Variants in ACKR3 observed in about 807,000 individuals in gnomAD.
ACKR3 encodes atypical chemokine receptor 3.
ACKR3 carries 6 observed loss-of-function variants against 22.4 expected under a neutral mutation model. The ratio of observed to expected loss-of-function variants is 0.27; its 90% CI spans 0.15 to 0.53. The LOEUF (loss-of-function observed/expected upper bound fraction) is 0.53, where lower values mean the gene tolerates loss of function less well. ACKR3 is among the 20% of genes least tolerant of loss of function. The pLI is 0.96. For synonymous variants in ACKR3, 209 were observed against 205.2 expected, an observed-to-expected ratio of 1.02 and a Z score of -0.16; for missense variants, 396 against 475.2, an observed-to-expected ratio of 0.83 and a Z score of 1.55.
At chr2:236,542,024 A>T in the ACKR3 span, among the ~76,000 whole-genome samples, 1 of 152,332 alleles carries the variant, frequency 6.6e-6, no homozygotes, top group African/African-American at 2.4e-5. Context: ...AACTAAAACA[A>T]CACATAAACA....
At chr2:236,554,554 G>T in the ACKR3 span, among the ~76,000 whole-genome samples, 2 of 152,154 alleles carry the variant, frequency 1.3e-5, no homozygotes, top group East Asian at 3.9e-4. Context: ...TGAGGTTTAG[G>T]TTTTGGAGAG....
the ACKR3 span, among the ~76,000 whole-genome samples, chr2:236,561,651 C>A: frequency 6.6e-6 from 1 of 152,100 alleles, no homozygotes; most frequent in South Asian, 2.1e-4. Flanking sequence ...GCCACCATGC[C>A]TGGCTAATTT....
the ACKR3 span, among the ~76,000 whole-genome samples, chr2:236,539,260 C>A: frequency 6.8e-6 from 1 of 148,032 alleles, no homozygotes; most frequent in African/African-American, 2.5e-5. Context: ...GTGTGTCTCT[C>A]TCTCTCTCTC....
At chr2:236,546,356 C>T in the ACKR3 span, among the ~76,000 whole-genome samples, 4 of 152,170 alleles carry the variant, frequency 2.6e-5, no homozygotes, top group African/African-American at 9.7e-5. This position sits in a 1 kb window ranked among gnomAD's most constrained non-coding sequence, Gnocchi z 4.9. Context: ...TGAAGTTCCC[C>T]CTCTGTCTCT....
the ACKR3 span, among the ~76,000 whole-genome samples, chr2:236,549,653 T>G: frequency 6.6e-6 from 1 of 152,102 alleles, no homozygotes; most frequent in African/African-American, 2.4e-5. This position sits in a 1 kb window ranked among gnomAD's most constrained non-coding sequence, Gnocchi z 5.3. Flanking sequence ...GTGAGAACAG[T>G]AGTAGGATCA....
At chr2:236,578,133 G>A (rs1195315244) in intron 1 of ACKR3, among the ~76,000 whole-genome samples, 1 of 152,212 alleles carries the variant, frequency 6.6e-6, no homozygotes, top group African/African-American at 2.4e-5. Flanking sequence ...AGAGTGGAAC[G>A]TCAGCTCTGG....
At chr2:236,558,377 T>G in the ACKR3 span, among the ~76,000 whole-genome samples, 1 of 152,200 alleles carries the variant, frequency 6.6e-6, no homozygotes. Flanking sequence ...TAAACTGTCA[T>G]GGTGCTGGCA....
chr2:236,537,427 C>T, the ACKR3 span, among the ~76,000 whole-genome samples: 2 of 152,174 alleles, frequency 1.3e-5, no homozygotes, highest in Non-Finnish European at 2.9e-5. Flanking sequence ...CTCAGCCTCT[C>T]GAATGGCCTG....
rs1334885134 is a variant in ACKR3, at chr2:236,575,549, C to CTG, written c.-26-4875_-26-4874dup. 2.5e-3 allele frequency among the ~76,000 whole-genome samples: 179 copies of CTG among 71,264 alleles called. 3 individuals are homozygous for CTG. The highest frequency in any genetic ancestry group is 3.1e-3 in the African/African-American group (38 of 12,240). 46.8% of individuals were successfully genotyped at this position (71,264 alleles called of 152,430 possible). On this transcript the variant is annotated intron_variant, in intron 1 of 1. Transcript: ENST00000272928. ...GTGTGTGCGTGTGTCTGGGGTTGTG[C>CTG]TGTGTGTGTGTGTGTGTCTGGGGTT...
At chr2:236,566,019 C>G (rs1691172660), upstream of ACKR3, among the ~76,000 whole-genome samples, 1 of 152,224 alleles carries the variant, frequency 6.6e-6, no homozygotes, top group African/African-American at 2.4e-5. Context: ...GGGCTCATAT[C>G]ACAGTCACCA....
In ACKR3 at chr2:236,581,700, C is replaced by T. The variant is rs1691542935; in HGVS notation, c.*146C>T. 5 of 1,026,010 alleles carry T rather than the reference C, an allele frequency of 4.9e-6. No individual in the cohort carries two copies. The highest frequency in any genetic ancestry group is 1.6e-5 in the African/African-American group (1 of 61,362). 63.6% of individuals were successfully genotyped at this position (1,026,010 alleles called of 1,614,324 possible). ...GGAGCACGTGCCCCCTGCATCCATT[C>T]TCTCTTTCTCTTGATGACGCAGCTG... On this transcript the variant is annotated 3_prime_UTR_variant, in exon 2 of 2. Transcript: ENST00000272928. The surrounding 1 kb of genome is among the most constrained non-coding windows in gnomAD (Gnocchi z 4.4).
At chr2:236,550,976 C>T in the ACKR3 span, among the ~76,000 whole-genome samples, 1 of 152,216 alleles carries the variant, frequency 6.6e-6, no homozygotes, top group Non-Finnish European at 1.5e-5. The surrounding 1 kb of genome is among the most constrained non-coding windows in gnomAD (Gnocchi z 4.6). Context: ...ATTACCAATC[C>T]TCCACCTTGT....
upstream of ACKR3, among the ~76,000 whole-genome samples, chr2:236,566,712 T>G (rs188890956): frequency 4.5e-4 from 51 of 113,082 alleles, no homozygotes; most frequent in Non-Finnish European, 7.3e-4. Context: ...TTTCCTTCCT[T>G]TCCTTCCCTT....
the ACKR3 span, among the ~76,000 whole-genome samples, chr2:236,556,530 C>T: frequency 6.6e-6 from 1 of 152,066 alleles, no homozygotes; most frequent in South Asian, 2.1e-4. Context: ...TGGAGCGATT[C>T]GAGGAGGGGC....
chr2:236,539,126 A>G, the ACKR3 span, among the ~76,000 whole-genome samples: 16 of 152,010 alleles, frequency 1.1e-4, no homozygotes, highest in Admixed American at 1.0e-3. Context: ...ATTGAGTAGT[A>G]TTCTACTGTA....
At chr2:236,556,296 T>C in the ACKR3 span, among the ~76,000 whole-genome samples, 2 of 152,136 alleles carry the variant, frequency 1.3e-5, no homozygotes, top group African/African-American at 2.4e-5. Context: ...TCAGTTACTG[T>C]GGGAGGCTGG....
chr2:236,567,020 C>T (rs1691200205), upstream of ACKR3, among the ~76,000 whole-genome samples: 1 of 150,672 alleles, frequency 6.6e-6, no homozygotes, highest in Non-Finnish European at 1.5e-5. Context: ...CCTTCTTTTT[C>T]TTTTGACAGA....
rs544757225 is a variant in ACKR3 at position 236,577,521 on chromosome 2, G to A, written c.-26-2919G>A. 9.9e-5 allele frequency among the ~76,000 whole-genome samples: 15 copies of A among 152,254 alleles called. No individual in the cohort carries two copies. Among genetic ancestry groups the A allele is most frequent in the East Asian group, 9.7e-4 (5 of 5,156 alleles). On this transcript the variant is annotated intron_variant, in intron 1 of 1. Transcript: ENST00000272928. This position sits in a 1 kb window ranked among gnomAD's most constrained non-coding sequence, Gnocchi z 5.6. ...GGTGAGTGTCTATTTTGTGCTAAGA[G>A]TGGAGGAACTGGAAGGAAGGACACA...
chr2:236,557,256 A>ATGTG, the ACKR3 span, among the ~76,000 whole-genome samples: 2,211 of 138,488 alleles, frequency 0.016, 42 homozygotes, highest in African/African-American at 0.059. Context: ...ATGTGAACGT[A>ATGTG]TGTGTGTGTG....
Sources: allele counts gnomAD v4.1 joint callset (sites outside exome capture counted in the v4.1 genomes callset), GRCh38; gene constraint gnomAD v4.1.1; non-coding constraint Gnocchi (gnomAD v3.1); transcripts MANE v1.5; gene names NCBI Gene and HGNC (gene_info 2026-07-23, HGNC 2026-07-21).